The following NECTIN3 variants were observed in gnomAD, a reference collection of about 807,000 sequenced individuals.
NECTIN3 encodes nectin cell adhesion molecule 3, also known as nectin-3.
Under a neutral mutation model 49.4 loss-of-function variants are expected in NECTIN3, and 8 were observed. The observed-to-expected ratio is 0.16, with a 90% CI of 0.10 to 0.29. The LOEUF (loss-of-function observed/expected upper bound fraction) is 0.29. Among genes scored for constraint, NECTIN3 ranks in the 10% least tolerant of loss-of-function variants. The pLI is 1.00. For synonymous variants in NECTIN3, 277 were observed against 241.1 expected, an observed-to-expected ratio of 1.15 and a Z score of -1.38; for missense variants, 581 against 654.6, an observed-to-expected ratio of 0.89 and a Z score of 1.23.
rs186506767 is a variant in NECTIN3 at position 111,109,540 on chromosome 3, T to C, written c.161-2490T>C. 2.6e-3 allele frequency among the ~76,000 whole-genome samples: 400 copies of C among 152,124 alleles called. 1 individual carries two copies. The highest frequency in any genetic ancestry group is 9.1e-3 in the African/African-American group (379 of 41,526). ...TTTTTTTTCTTTTTCTTTCAGTGTT[T>C]AGTATAAAAGAGGGATCTGTATTTT... On this transcript the variant is annotated intron_variant, in intron 1 of 5. Transcript: ENST00000485303.
intron 7 of NECTIN3, among the ~76,000 whole-genome samples, chr3:111,167,527 A>G (rs2035341793): frequency 6.6e-6 from 1 of 152,262 alleles, no homozygotes; most frequent in Non-Finnish European, 1.5e-5. Flanking sequence ...AATCACAAAA[A>G]GAAACAATAA....
chr3:111,096,756 G>A (rs1445062941), intron 1 of NECTIN3, among the ~76,000 whole-genome samples: 2 of 152,232 alleles, frequency 1.3e-5, no homozygotes, highest in Non-Finnish European at 2.9e-5. Context: ...TCCACGTGTT[G>A]TTGAGCCTGC....
At chr3:111,147,597 T>C in intron 7 of NECTIN3, 3 of 894,420 alleles carry the variant, frequency 3.4e-6, no homozygotes, top group Non-Finnish European at 5.0e-6. Flanking sequence ...TAAGTGTTGT[T>C]TAGTCATTAT....
At chr3:111,094,029 C>T (rs968505890) in intron 1 of NECTIN3, among the ~76,000 whole-genome samples, 4 of 151,824 alleles carry the variant, frequency 2.6e-5, no homozygotes, top group African/African-American at 9.7e-5. Context: ...TATAAATTGT[C>T]ATTGATTAAA....
intron 7 of NECTIN3, among the ~76,000 whole-genome samples, chr3:111,151,512 C>T (rs1255215525): frequency 1.3e-5 from 2 of 151,848 alleles, no homozygotes; most frequent in African/African-American, 2.4e-5. Flanking sequence ...ATAGACTTCT[C>T]AGTGAATATT....
At chr3:111,168,248 G>C (rs563611450) in intron 7 of NECTIN3, among the ~76,000 whole-genome samples, 12 of 152,244 alleles carry the variant, frequency 7.9e-5, no homozygotes, top group African/African-American at 2.9e-4. Flanking sequence ...ATCTGCGAAG[G>C]CTTTGCAAAG....
intron 1 of NECTIN3, among the ~76,000 whole-genome samples, chr3:111,086,196 C>G (rs201297273): frequency 4.6e-5 from 7 of 151,816 alleles, no homozygotes; most frequent in African/African-American, 1.5e-4. Context: ...AAATATGAAC[C>G]CTTTGTTAAT....
At chr3:111,085,059 T>C (rs976547980) in intron 1 of NECTIN3, among the ~76,000 whole-genome samples, 2 of 152,230 alleles carry the variant, frequency 1.3e-5, no homozygotes, top group Non-Finnish European at 2.9e-5. Context: ...GGCCTACTGC[T>C]GCATTATTAC....
downstream of NECTIN3, among the ~76,000 whole-genome samples, chr3:111,139,647 A>G (rs1024452689): frequency 2.0e-5 from 3 of 151,702 alleles, no homozygotes; most frequent in South Asian, 2.1e-4. Flanking sequence ...TCATATACCT[A>G]GATGTCTGAA....
chr3:111,130,331 A>G (rs2034342494), intron 5 of NECTIN3, among the ~76,000 whole-genome samples: 1 of 151,448 alleles, frequency 6.6e-6, no homozygotes, highest in African/African-American at 2.4e-5. Flanking sequence ...ACAGCATACT[A>G]TCCTGAGATT....
At chr3:111,186,728 A>G (rs1162113270) in intron 7 of NECTIN3, among the ~76,000 whole-genome samples, 2 of 152,210 alleles carry the variant, frequency 1.3e-5, no homozygotes, top group Admixed American at 1.3e-4. Context: ...TTTAGAAACT[A>G]GGGATGAAAG....
At chr3:111,156,344 A>G (rs1431152211) in intron 7 of NECTIN3, among the ~76,000 whole-genome samples, 2 of 152,170 alleles carry the variant, frequency 1.3e-5, no homozygotes, top group African/African-American at 4.8e-5. Context: ...GAAACATCTT[A>G]AGTTTGAAGA....
Position 111,122,203 on chromosome 3 carries a change from T to C in NECTIN3, c.882T>C (p.Asp294=). The change falls in exon 4 of 6, where the codon GAT becomes GAC. Residue 294 remains aspartate (D), a synonymous_variant. Coordinates refer to ENST00000485303, the MANE Select transcript of NECTIN3 (RefSeq NM_015480.3). The part of the protein sequence containing the change: ...RKGVNLKCNA[D]ANPPPFKSVW... ...GTGTTAATCTCAAATGTAATGCTGA[T>C]GCAAATCCACCACCCTTCAAATCTG... is the stretch of plus-strand genomic sequence containing the variant. 6.2e-7 allele frequency: 1 copy of C among 1,613,108 alleles called. No homozygotes were observed.
chr3:111,078,928 A>G (rs1451447848), intron 1 of NECTIN3, among the ~76,000 whole-genome samples: 1 of 152,158 alleles, frequency 6.6e-6, no homozygotes, highest in African/African-American at 2.4e-5. Context: ...TGTATGACAC[A>G]TCTGACTCTG....
At chr3:111,128,979 A>G (rs2034278280) in intron 5 of NECTIN3, among the ~76,000 whole-genome samples, 1 of 152,098 alleles carries the variant, frequency 6.6e-6, no homozygotes, top group African/African-American at 2.4e-5. Flanking sequence ...AATCCTTACA[A>G]TGACTTACAG....
chr3:111,125,942 T>C (rs2107478179), intron 4 of NECTIN3, among the ~76,000 whole-genome samples: 1 of 152,296 alleles, frequency 6.6e-6, no homozygotes, highest in African/African-American at 2.4e-5. Flanking sequence ...TTTATTATGT[T>C]GGCAGAGCCA....
intron 1 of NECTIN3, among the ~76,000 whole-genome samples, chr3:111,087,692 AT>A (rs1175269613): frequency 1.8e-3 from 259 of 146,196 alleles, no homozygotes; most frequent in Middle Eastern, 6.9e-3. Context: ...TAAAAATTTA[AT>A]TTTTTTTTTT....
upstream of NECTIN3, among the ~76,000 whole-genome samples, chr3:111,190,322 A>C (rs922415424): frequency 6.6e-6 from 1 of 152,222 alleles, no homozygotes; most frequent in East Asian, 1.9e-4. Context: ...TAACCTTGAC[A>C]TATGACATCA....
In NECTIN3 at chr3:111,112,127, A is replaced by C; in HGVS notation, c.258A>C (p.Ile86=). The C allele has an allele frequency of 6.2e-7, 1 of 1,613,656 alleles. No individual in the cohort carries two copies. Among genetic ancestry groups the C allele is most frequent in the South Asian group, 1.1e-5 (1 of 91,076 alleles). The change falls in exon 2 of 6, where the codon ATA becomes ATC. Residue 86 remains isoleucine (I), a synonymous_variant. Transcript: ENST00000485303. ...GTTTAATTGAAGTAAATGAAACCAT[A>C]ACACAGATTTCATGGGAGAAGATAC... ...LKCLIEVNET[I]TQISWEKIHG... is the part of the protein sequence containing the mutation.
Sources: allele counts gnomAD v4.1 joint callset (sites outside exome capture counted in the v4.1 genomes callset), GRCh38; gene constraint gnomAD v4.1.1; transcripts MANE v1.5; gene names NCBI Gene and HGNC (gene_info 2026-07-23, HGNC 2026-07-21).